Variants in TENM2 observed in about 807,000 individuals in gnomAD.
TENM2 encodes the protein teneurin transmembrane protein 2, also known as teneurin-2.
A neutral mutation model predicts 245.2 loss-of-function variants in TENM2; 52 were observed. The observed-to-expected ratio is 0.21, with a 90% CI of 0.17 to 0.27. TENM2 has a LOEUF of 0.27. Ranked by LOEUF, TENM2 falls within the 10% of genes least tolerant of loss-of-function variation. TENM2 has a pLI of 1.00. For missense variants in TENM2, 3,046 were observed against 3,666.8 expected, an observed-to-expected ratio of 0.83 and a Z score of 4.37; for synonymous variants, 1,363 against 1,438.9, an observed-to-expected ratio of 0.95 and a Z score of 1.19.
intron 1 of TENM2, among the ~76,000 whole-genome samples, chr5:167,285,516 C>T (rs576492438): frequency 6.6e-6 from 1 of 152,066 alleles, no homozygotes; most frequent in East Asian, 1.9e-4. Context: ...TGTAATTATC[C>T]CTCCTACTTT....
the TENM2 span, among the ~76,000 whole-genome samples, chr5:167,145,264 T>A: frequency 1.3e-5 from 2 of 152,214 alleles, no homozygotes; most frequent in East Asian, 1.9e-4. Context: ...CAGCGCAGAG[T>A]ATATGCTTTG....
intron 13 of TENM2, among the ~76,000 whole-genome samples, chr5:168,176,701 G>A (rs1460430572): frequency 6.6e-6 from 1 of 152,092 alleles, no homozygotes; most frequent in African/African-American, 2.4e-5. Context: ...CAGGGTCCTT[G>A]TCTGCCTTGG....
chr5:168,238,806 A>G (rs1036475568), intron 25 of TENM2, among the ~76,000 whole-genome samples: 8 of 152,222 alleles, frequency 5.3e-5, no homozygotes, highest in Admixed American at 5.2e-4. Context: ...AAAATAAAAA[A>G]GCATGCTAAA....
chr5:167,519,958 A>T (rs1045743715), intron 2 of TENM2, among the ~76,000 whole-genome samples: 1 of 152,218 alleles, frequency 6.6e-6, no homozygotes, highest in African/African-American at 2.4e-5. Context: ...ATACTTTAAG[A>T]TGTATTTGAA....
At chr5:167,071,706 A>G in the TENM2 span, among the ~76,000 whole-genome samples, 11,232 of 152,088 alleles carry the variant, frequency 0.074, 682 homozygotes, top group South Asian at 0.19. Context: ...TTCTTTCGAT[A>G]TTACTGAATT....
At chr5:167,052,696 G>T in the TENM2 span, among the ~76,000 whole-genome samples, 1 of 151,850 alleles carries the variant, frequency 6.6e-6, no homozygotes, top group Non-Finnish European at 1.5e-5. Context: ...TAGAATTACA[G>T]TGATGTTGAT....
intron 2 of TENM2, among the ~76,000 whole-genome samples, chr5:167,811,931 A>T (rs192274790): frequency 6.6e-6 from 1 of 152,304 alleles, no homozygotes; most frequent in Non-Finnish European, 1.5e-5. Flanking sequence ...AGAACAAATT[A>T]TTTAATATAA....
At chr5:167,042,573 G>C in the TENM2 span, among the ~76,000 whole-genome samples, 2 of 152,176 alleles carry the variant, frequency 1.3e-5, no homozygotes, top group African/African-American at 4.8e-5. Flanking sequence ...TTGTGTACTT[G>C]ATTCAAAAAT....
intron 2 of TENM2, among the ~76,000 whole-genome samples, chr5:167,571,923 G>A (rs557620369): frequency 1.3e-5 from 2 of 152,296 alleles, no homozygotes; most frequent in Middle Eastern, 3.4e-3. Flanking sequence ...CAAAATGTCC[G>A]CAGAGATTTC....
the TENM2 span, among the ~76,000 whole-genome samples, chr5:167,152,800 C>T: frequency 6.6e-6 from 1 of 152,134 alleles, no homozygotes; most frequent in African/African-American, 2.4e-5. Flanking sequence ...CAGAGCAGGA[C>T]AGCAGGAGAT....
At chr5:167,189,472 T>A in the TENM2 span, among the ~76,000 whole-genome samples, 57 of 152,072 alleles carry the variant, frequency 3.7e-4, 1 homozygote, top group Admixed American at 2.0e-3. Context: ...TCTCTTCCTT[T>A]CTCTCTTTTC....
At chr5:168,239,228 G>A (rs1765879341) in intron 25 of TENM2, among the ~76,000 whole-genome samples, 1 of 152,088 alleles carries the variant, frequency 6.6e-6, no homozygotes, top group South Asian at 2.1e-4. Flanking sequence ...AAAGAAATTT[G>A]ATTAGATTAC....
At chr5:168,015,828 A>G (rs1785605227) in intron 5 of TENM2, among the ~76,000 whole-genome samples, 1 of 152,188 alleles carries the variant, frequency 6.6e-6, no homozygotes, top group African/African-American at 2.4e-5. Flanking sequence ...ACACATGGTG[A>G]GCATTAATGA....
chr5:168,125,097 G>A, intron 11 of TENM2, 47 bp downstream of exon 13: 1 of 1,514,058 alleles, frequency 6.6e-7, no homozygotes, highest in African/African-American at 1.4e-5. Context: ...CTCCTGCCCT[G>A]TGTTCCATCC....
At position 167,783,453 on chromosome 5, in the gene TENM2, G is replaced by C. The variant is rs1764344766; in HGVS notation, c.503-92533G>C. 2.0e-5 allele frequency among the ~76,000 whole-genome samples: 3 copies of C among 152,134 alleles called. No homozygotes were observed. In the South Asian group the frequency reaches 6.2e-4, roughly 31 times the overall value. ...CAGAGTACAATATTTCAGAAGGAAGGGTTTCTGAACCCCAGTTTAACAAGC... is the reference window on the plus strand; with the variant it reads ...CAGAGTACAATATTTCAGAAGGAAGCGTTTCTGAACCCCAGTTTAACAAGC... On this transcript the variant is annotated intron_variant, in intron 2 of 28. Coordinates refer to ENST00000518659, the Ensembl canonical transcript of TENM2.
intron 6 of TENM2, among the ~76,000 whole-genome samples, chr5:168,058,158 C>T (rs768791964): frequency 2.0e-5 from 3 of 152,202 alleles, no homozygotes; most frequent in Non-Finnish European, 4.4e-5. Flanking sequence ...CTCCCTCGGC[C>T]TAGACCGCAG....
At chr5:167,664,006 C>T (rs1755411988) in intron 2 of TENM2, among the ~76,000 whole-genome samples, 2 of 152,254 alleles carry the variant, frequency 1.3e-5, no homozygotes, top group South Asian at 4.1e-4. Context: ...TGTTTCTGCT[C>T]AATACTGCTC....
chr5:167,340,378 A>G (rs1388478483), intron 1 of TENM2, among the ~76,000 whole-genome samples: 2 of 152,242 alleles, frequency 1.3e-5, no homozygotes, highest in Admixed American at 1.3e-4. Context: ...GATGGCTTAA[A>G]CAAGAGAAAT....
At chr5:167,943,265 A>G (rs1561962973) in intron 3 of TENM2, among the ~76,000 whole-genome samples, 1 of 152,182 alleles carries the variant, frequency 6.6e-6, no homozygotes, top group Non-Finnish European at 1.5e-5. Context: ...CACTCTTGGT[A>G]TTAATGAATG....
Sources: gnomAD v4.1 joint callset for allele counts (sites outside exome capture counted in the v4.1 genomes callset) on GRCh38, gnomAD v4.1.1 for gene constraint, MANE v1.5 for transcripts, NCBI Gene and HGNC (gene_info 2026-07-23, HGNC 2026-07-21) for gene names.